The following THAP1 variants were observed in gnomAD, a reference collection of about 807,000 sequenced individuals.
THAP1 encodes the protein THAP domain containing 1, also known as THAP domain-containing protein 1.
Under a neutral mutation model 18.2 loss-of-function variants are expected in THAP1, and 6 were observed. That is an observed-to-expected ratio of 0.33 (90% CI 0.18 to 0.65). The LOEUF (loss-of-function observed/expected upper bound fraction) is 0.65, where lower values mean the gene tolerates loss of function less well. THAP1 is among the 30% of genes least tolerant of loss of function. The pLI, the probability that THAP1 is intolerant of heterozygous loss-of-function variation, is 0.74. For missense variants in THAP1, 176 were observed against 253.0 expected (o/e 0.70, Z 2.06); for synonymous variants, 85 against 90.5 (o/e 0.94, Z 0.34).
intron 1 of THAP1, 131 bp downstream of exon 1, chr8:42,842,893 G>A (rs547970180): frequency 3.6e-5 from 25 of 691,078 alleles, no homozygotes; most frequent in Non-Finnish European, 4.6e-5. Flanking sequence ...GGTGGGAAAC[G>A]CCCGACACGG....
rs901172377 is a variant in THAP1 at position 42,843,198 on chromosome 8, T to C, written c.-104A>G. On this transcript the variant is annotated 5_prime_UTR_variant, in exon 1 of 3. Transcript: ENST00000254250. Reference sequence around the variant, plus strand: ...GGATTCCCTCGCTTCTTTTGTAGCTTTGGCCAACAGTTACAGTGATGGTGG... The same window carrying C: ...GGATTCCCTCGCTTCTTTTGTAGCTCTGGCCAACAGTTACAGTGATGGTGG... The C allele has an allele frequency of 1.7e-5, 24 of 1,442,546 alleles. No individual in the cohort carries two copies. The highest frequency in any genetic ancestry group is 2.3e-5 in the East Asian group (1 of 42,696). The allele number at this position is 1,442,546 out of a possible 1,614,324, so 89.4% of individuals were successfully genotyped here. A position where few individuals can be genotyped will look rare whatever the true frequency, so the allele number is the denominator to read the frequency against.
chr8:42,841,886 A>G (rs1037156629), intron 1 of THAP1, among the ~76,000 whole-genome samples: 2 of 147,590 alleles, frequency 1.4e-5, no homozygotes, highest in Admixed American at 6.6e-5. Context: ...TCTATGTTCT[A>G]CACACTCTTA....
rs571654066 is a variant in THAP1, at chr8:42,837,323, G to GT, written c.*638dup. The GT allele has an allele frequency of 2.3e-3, 348 of 151,120 alleles. 3 individuals carry two copies. The highest frequency in any genetic ancestry group is 7.8e-3 in the African/African-American group (322 of 41,232). 9.4% of individuals were successfully genotyped at this position (151,120 alleles called of 1,614,324 possible). A position where few individuals can be genotyped will look rare whatever the true frequency, so the allele number is the denominator to read the frequency against. ...AGTAGGGGAAAAAATAGGAGCCCAT[G>GT]TAAAAAAAAAAAATCCACTCTTAGA... On this transcript the variant is annotated 3_prime_UTR_variant, in exon 3 of 3. Transcript: ENST00000254250.
In THAP1 at chr8:42,837,435, TTA is replaced by T. The variant is rs1802634475; in HGVS notation, c.*525_*526del. On this transcript the variant is annotated 3_prime_UTR_variant, in exon 3 of 3. Coordinates refer to ENST00000254250, the MANE Select transcript of THAP1 (RefSeq NM_018105.3). Reference sequence around the variant, plus strand: ...TTTTCTTAAGTACTGACTTGCCAATTTATCTTTGATAACTGATTCAGAAAGAT... The same window carrying T: ...TTTTCTTAAGTACTGACTTGCCAATTTCTTTGATAACTGATTCAGAAAGAT... The T allele has an allele frequency of 6.6e-6, 1 of 152,418 alleles. No individual in the cohort carries two copies. Among genetic ancestry groups the T allele is most frequent in the Non-Finnish European group, 1.5e-5 (1 of 68,120 alleles). 9.4% of individuals were successfully genotyped at this position (152,418 alleles called of 1,614,324 possible).
chr8:42,836,856 T>C lies in THAP1; in HGVS notation c.*1106A>G, dbSNP rs1802622563. 3 of 152,334 alleles carry C rather than the reference T, an allele frequency of 2.0e-5. No homozygotes were observed. The highest frequency in any genetic ancestry group is 2.0e-4 in the Admixed American group (3 of 15,282). The allele number at this position is 152,334 out of a possible 1,614,324, so 9.4% of individuals were successfully genotyped here. On this transcript the variant is annotated 3_prime_UTR_variant, in exon 3 of 3. Transcript: ENST00000254250. ...ATTTTCACTTCCAATATATGTAAAA[T>C]TTCTCACAAAGAACAGAACTCACAG...
intron 1 of THAP1, among the ~76,000 whole-genome samples, chr8:42,840,169 T>A (rs914923408): frequency 2.6e-5 from 4 of 152,122 alleles, no homozygotes; most frequent in African/African-American, 9.7e-5. Context: ...CACTCCAGCC[T>A]GGGTGACAGA....
At chr8:42,839,120 T>G in intron 2 of THAP1, 66 bp downstream of exon 2, 1 of 1,568,898 alleles carries the variant, frequency 6.4e-7, no homozygotes, top group Non-Finnish European at 8.8e-7. Flanking sequence ...ATTTTCCACA[T>G]TTTAATCAAT....
Position 42,843,105 on chromosome 8 carries a change from C to A in THAP1, c.-11G>T, listed in dbSNP as rs778597447. On this transcript the variant is annotated 5_prime_UTR_variant, in exon 1 of 3. It adds an upstream start codon to the 5' untranslated region. Transcript: ENST00000254250. ...GCAGGACTGCACCATCCTTCCGGTC[C>A]TCAGGCACTTCACTTCTGCCGCCGC... The A allele has an allele frequency of 1.9e-6, 3 of 1,613,584 alleles. No individual in the cohort carries two copies. The South Asian group carries it at 3.3e-5, about 18-fold the overall frequency.
At position 42,839,288 on chromosome 8, in the gene THAP1, T is replaced by A; in HGVS notation, c.165A>T (p.Ser55=). ...TAAAGCAGTCTGGAGTAAAGTGCTC[T>A]GAACAAATACTGCTATACTTGGTGG... The part of the protein sequence containing the change: ...FKPTKYSSIC[S]EHFTPDCFKR... Residue 55 remains serine (S), a synonymous_variant, in exon 2 of 3, where the codon TCA becomes TCT. Transcript: ENST00000254250. The A allele has an allele frequency of 6.2e-7, 1 of 1,614,146 alleles. No homozygotes were observed. The highest frequency in any genetic ancestry group is 8.5e-7 in the Non-Finnish European group (1 of 1,180,012).
rs559563279 is a variant in THAP1 at position 42,838,595 on chromosome 8, G to A, written c.268-259C>T. On this transcript the variant is annotated intron_variant, in intron 2 of 2. Coordinates refer to ENST00000254250, the MANE Select transcript of THAP1 (RefSeq NM_018105.3). Reference sequence around the variant, plus strand: ...CCAGCTACTTGGGCGGCTGAGGCAAGAGAATTGCTTGAAACTGGGAGGCGG... The same window carrying A: ...CCAGCTACTTGGGCGGCTGAGGCAAAAGAATTGCTTGAAACTGGGAGGCGG... Among the ~76,000 whole-genome samples, 5 of 152,256 alleles carry A rather than the reference G, an allele frequency of 3.3e-5. No individual in the cohort carries two copies. In the East Asian group the frequency reaches 9.7e-4, roughly 29 times the overall value.
At chr8:42,842,026 G>A (rs1324195078) in intron 1 of THAP1, among the ~76,000 whole-genome samples, 1 of 152,084 alleles carries the variant, frequency 6.6e-6, no homozygotes, top group East Asian at 1.9e-4. Flanking sequence ...TTTTGCTTTT[G>A]TAATTATTTA....
rs1413224357 is a variant in THAP1, at chr8:42,843,293, G to A, written c.-199C>T. The A allele has an allele frequency of 4.9e-5, 32 of 648,024 alleles. No individual in the cohort carries two copies. In the East Asian group the frequency reaches 7.8e-4, roughly 16 times the overall value. 40.1% of individuals were successfully genotyped at this position (648,024 alleles called of 1,614,324 possible). On this transcript the variant is annotated 5_prime_UTR_variant, in exon 1 of 3. In the 5' UTR this introduces an upstream ATG that the reference lacks. Coordinates refer to ENST00000254250, the MANE Select transcript of THAP1 (RefSeq NM_018105.3). ...AGCAGAAGGACCACAGCCATCGCCC[G>A]TCTCCCATCTCCAAGATGGCGGAGG... is the stretch of plus-strand genomic sequence containing the variant.
intron 1 of THAP1, among the ~76,000 whole-genome samples, chr8:42,841,515 CT>C (rs1259429608): frequency 6.6e-6 from 1 of 152,120 alleles, no homozygotes; most frequent in Non-Finnish European, 1.5e-5. Context: ...TCTCGAACTC[CT>C]GACGTCAGGT....
At chr8:42,839,867 T>G (rs1351769435) in intron 1 of THAP1, among the ~76,000 whole-genome samples, 1 of 152,152 alleles carries the variant, frequency 6.6e-6, no homozygotes, top group African/African-American at 2.4e-5. Flanking sequence ...CGTTTAACTT[T>G]TTATACTGAG....
At chr8:42,839,047 T>C in intron 2 of THAP1, 139 bp downstream of exon 2, 1 of 888,856 alleles carries the variant, frequency 1.1e-6, no homozygotes, top group African/African-American at 1.7e-5. Context: ...TTTTGTGTTT[T>C]CAGAAGTGTA....
intron 2 of THAP1, 141 bp downstream of exon 2, chr8:42,839,036 ATTTTGTGTT>A (rs1802668096): frequency 1.2e-6 from 1 of 827,860 alleles, no homozygotes; most frequent in Non-Finnish European, 1.9e-6. Context: ...AATAAACTGC[ATTTTGTGTT>A]TTCAGAAGTG....
At position 42,843,314 on chromosome 8, in the gene THAP1, G is replaced by A; in HGVS notation, c.-220C>T. 3.3e-6 allele frequency: 2 copies of A among 614,516 alleles called. No homozygotes were observed. Among genetic ancestry groups the A allele is most frequent in the Admixed American group, 2.4e-5 (1 of 42,054 alleles). The allele number at this position is 614,516 out of a possible 1,614,324, so 38.1% of individuals were successfully genotyped here. Reference sequence around the variant, plus strand: ...GCCCGTCTCCCATCTCCAAGATGGCGGAGGCAGCTTCAACCTCACCTCTCG... The same window carrying A: ...GCCCGTCTCCCATCTCCAAGATGGCAGAGGCAGCTTCAACCTCACCTCTCG... On this transcript the variant is annotated 5_prime_UTR_variant, in exon 1 of 3. Coordinates refer to ENST00000254250, the MANE Select transcript of THAP1 (RefSeq NM_018105.3).
chr8:42,841,584 C>T (rs1015250033), intron 1 of THAP1, among the ~76,000 whole-genome samples: 3 of 152,168 alleles, frequency 2.0e-5, no homozygotes, highest in Non-Finnish European at 2.9e-5. Context: ...GCCATCGTGC[C>T]TCGACAAAAA....
rs1449437966 is a variant in THAP1 at position 42,843,246 on chromosome 8, T to G, written c.-152A>C. On this transcript the variant is annotated 5_prime_UTR_variant, in exon 1 of 3. Coordinates refer to ENST00000254250, the MANE Select transcript of THAP1 (RefSeq NM_018105.3). ...TGGCCTCCCTCGGGGGTGACTAGTG[T>G]GCCCGTTTTGTTGTTTGCATTAGCA... 4.6e-6 allele frequency: 4 copies of G among 867,676 alleles called. No homozygotes were observed. Among genetic ancestry groups the G allele is most frequent in the Non-Finnish European group, 7.6e-6 (4 of 529,646 alleles). The allele number at this position is 867,676 out of a possible 1,614,324, so 53.7% of individuals were successfully genotyped here. A position where few individuals can be genotyped will look rare whatever the true frequency, so the allele number is the denominator to read the frequency against.
Sources: gnomAD v4.1 joint callset for allele counts (sites outside exome capture counted in the v4.1 genomes callset) on GRCh38, gnomAD v4.1.1 for gene constraint, MANE v1.5 for transcripts, NCBI Gene and HGNC (gene_info 2026-07-23, HGNC 2026-07-21) for gene names.